The following ENPP1 variants were observed in gnomAD, a reference collection of about 807,000 sequenced individuals.
ENPP1 encodes the protein ectonucleotide pyrophosphatase/phosphodiesterase family member 1.
Under a neutral mutation model 122.8 loss-of-function variants are expected in ENPP1, and 73 were observed. That is an observed-to-expected ratio of 0.59 (90% CI 0.49 to 0.72). The LOEUF is 0.72. Among genes scored for constraint, ENPP1 ranks in the 30% least tolerant of loss-of-function variants. The pLI, the probability that ENPP1 is intolerant of heterozygous loss-of-function variation, is 0.00. For synonymous variants in ENPP1, 367 were observed against 391.6 expected (o/e 0.94, Z 0.74); for missense variants, 978 against 1,128.1 (o/e 0.87, Z 1.91).
At chr6:131,889,624 A>G (rs1782436963) in intron 24 of ENPP1, among the ~76,000 whole-genome samples, 1 of 152,112 alleles carries the variant, frequency 6.6e-6, no homozygotes, top group Non-Finnish European at 1.5e-5. Context: ...TTAGTCTATC[A>G]TTGACCATAT....
rs564915658 is a variant in ENPP1, at chr6:131,869,121, T to C, written c.1274-237T>C. Among the ~76,000 whole-genome samples, 5 of 152,298 alleles carry C rather than the reference T, an allele frequency of 3.3e-5. No individual in the cohort carries two copies. The East Asian group carries it at 9.7e-4, about 29-fold the overall frequency. On this transcript the variant is annotated intron_variant, in intron 12 of 24. Coordinates refer to ENST00000647893, the MANE Select transcript of ENPP1 (RefSeq NM_006208.3). ...ATTCTTCTTTGCTCACATAATGATATTGTAATATATAAATAAGAAGAAACA... is the reference window on the plus strand; with the variant it reads ...ATTCTTCTTTGCTCACATAATGATACTGTAATATATAAATAAGAAGAAACA...
chr6:131,857,739 A>T lies in ENPP1; in HGVS notation c.716-929A>T, dbSNP rs1781967176. On this transcript the variant is annotated intron_variant, in intron 6 of 24. Coordinates refer to ENST00000647893, the MANE Select transcript of ENPP1 (RefSeq NM_006208.3). ...TGGGTGCAGCGCACCAGCATGACACATGTATACATATGTAACTAACCTGCA... is the reference window on the plus strand; with the variant it reads ...TGGGTGCAGCGCACCAGCATGACACTTGTATACATATGTAACTAACCTGCA... Among the ~76,000 whole-genome samples, 4 of 152,316 alleles carry T rather than the reference A, an allele frequency of 2.6e-5. No homozygotes were observed. The South Asian group carries it at 8.3e-4, about 32-fold the overall frequency.
At chr6:131,847,203 A>G (rs930637793) in intron 1 of ENPP1, among the ~76,000 whole-genome samples, 6 of 152,204 alleles carry the variant, frequency 3.9e-5, no homozygotes, top group African/African-American at 1.4e-4. Flanking sequence ...AATATTCCAC[A>G]TATTGCCTTT....
chr6:131,868,866 A>C (rs1296749382), intron 12 of ENPP1, among the ~76,000 whole-genome samples: 3 of 152,232 alleles, frequency 2.0e-5, no homozygotes, highest in Non-Finnish European at 4.4e-5. Context: ...CTATAGGAGC[A>C]GCGTGCCTAT....
Position 131,879,881 on chromosome 6 carries a change from G to C in ENPP1, c.1947G>C (p.Glu649Asp). The C allele has an allele frequency of 6.2e-7, 1 of 1,613,028 alleles. No individual in the cohort carries two copies. Among genetic ancestry groups the C allele is most frequent in the Non-Finnish European group, 8.5e-7 (1 of 1,179,082 alleles). ...QTQFNLTVAE[E>D]KIIKHETLPY... ...TTTATTTTCATCCTGTGACCCAAGA[G>C]AAGATTATTAAGCATGAAACTTTAC... The change falls in exon 20 of 25, where the codon GAG becomes GAC. Residue 649 changes from glutamate to aspartate, a missense_variant and splice_region_variant. Coordinates refer to ENST00000647893, the MANE Select transcript of ENPP1 (RefSeq NM_006208.3).
At chr6:131,889,965 T>A (rs1782444440) in intron 24 of ENPP1, among the ~76,000 whole-genome samples, 1 of 150,104 alleles carries the variant, frequency 6.7e-6, no homozygotes, top group South Asian at 2.1e-4. Flanking sequence ...TGTTGTTTTT[T>A]GACTTTTTAA....
At chr6:131,832,268 G>A (rs1781623960) in intron 1 of ENPP1, among the ~76,000 whole-genome samples, 1 of 152,050 alleles carries the variant, frequency 6.6e-6, no homozygotes, top group South Asian at 2.1e-4. Flanking sequence ...CAAATTAGGA[G>A]TGGACTTACA....
intron 23 of ENPP1, among the ~76,000 whole-genome samples, 195 bp from the exon 24 acceptor site, chr6:131,886,367 G>T (rs1338255030): frequency 6.6e-6 from 1 of 152,170 alleles, no homozygotes; most frequent in Admixed American, 6.5e-5. Flanking sequence ...TTTGGAGTGT[G>T]TTTATCTGCC....
intron 1 of ENPP1, among the ~76,000 whole-genome samples, chr6:131,812,810 AG>A: frequency 6.6e-6 from 1 of 152,284 alleles, no homozygotes; most frequent in East Asian, 1.9e-4. Flanking sequence ...GATATCTTAA[AG>A]CAAGGGCTTA....
chr6:131,809,965 C>CT (rs1229471055), intron 1 of ENPP1, among the ~76,000 whole-genome samples: 7 of 152,106 alleles, frequency 4.6e-5, no homozygotes, highest in Non-Finnish European at 1.0e-4. Context: ...TATTATGGAC[C>CT]TTTTTTATCC....
At position 131,857,724 on chromosome 6, in the gene ENPP1, G is replaced by A. The variant is rs187609875; in HGVS notation, c.716-944G>A. On this transcript the variant is annotated intron_variant, in intron 6 of 24. Transcript: ENST00000647893. The stretch of plus-strand genomic sequence containing the variant: ...TAGATGACGAGTTAGTGGGTGCAGC[G>A]CACCAGCATGACACATGTATACATA... 6.5e-3 allele frequency among the ~76,000 whole-genome samples: 990 copies of A among 152,202 alleles called. 13 individuals are homozygous for A. Among genetic ancestry groups the A allele is most frequent in the African/African-American group, 0.022 (896 of 41,522 alleles).
intron 1 of ENPP1, among the ~76,000 whole-genome samples, chr6:131,811,451 G>T (rs1414714867): frequency 7.8e-6 from 1 of 128,612 alleles, no homozygotes; most frequent in Non-Finnish European, 1.7e-5. Flanking sequence ...TAGAGAGTCC[G>T]TTTGGCTCAA....
At chr6:131,842,133 T>C (rs1781747909) in intron 1 of ENPP1, among the ~76,000 whole-genome samples, 1 of 152,208 alleles carries the variant, frequency 6.6e-6, no homozygotes, top group South Asian at 2.1e-4. Flanking sequence ...TACTAACCTC[T>C]GTAGCTCACC....
Position 131,891,393 on chromosome 6 carries a change from G to C in ENPP1, c.*882G>C, listed in dbSNP as rs1304668251. The stretch of plus-strand genomic sequence containing the variant: ...TTAGAATGTTTCTTTCTGTGCACAA[G>C]ACTTACCCTACCAGCAGCAGAGCCA... On this transcript the variant is annotated 3_prime_UTR_variant, in exon 25 of 25. Transcript: ENST00000647893. The C allele has an allele frequency of 6.6e-6, 1 of 152,056 alleles. No individual in the cohort carries two copies. Among genetic ancestry groups the C allele is most frequent in the Non-Finnish European group, 1.5e-5 (1 of 68,024 alleles). The allele number at this position is 152,056 out of a possible 1,614,324, so 9.4% of individuals were successfully genotyped here. A position where few individuals can be genotyped will look rare whatever the true frequency, so the allele number is the denominator to read the frequency against.
At chr6:131,881,269 TTTGA>T (rs1437251371) in intron 20 of ENPP1, among the ~76,000 whole-genome samples, 1 of 152,148 alleles carries the variant, frequency 6.6e-6, no homozygotes, top group Non-Finnish European at 1.5e-5. Context: ...TTTCTTGAAC[TTTGA>T]TTTTTAAAAT....
intron 1 of ENPP1, among the ~76,000 whole-genome samples, chr6:131,825,068 A>C (rs1420464696): frequency 6.6e-6 from 1 of 152,052 alleles, no homozygotes; most frequent in African/African-American, 2.4e-5. Context: ...TCAAAAAAAA[A>C]ACAAACAAAC....
At chr6:131,868,818 C>T (rs1562180073) in intron 12 of ENPP1, among the ~76,000 whole-genome samples, 3 of 152,218 alleles carry the variant, frequency 2.0e-5, no homozygotes, top group Admixed American at 6.5e-5. Flanking sequence ...CTTTTACTTA[C>T]TGTGATCTTT....
intron 1 of ENPP1, among the ~76,000 whole-genome samples, chr6:131,813,754 G>A (rs1361195320): frequency 3.9e-5 from 6 of 152,156 alleles, no homozygotes; most frequent in South Asian, 2.1e-4. Context: ...AATTAAGTGC[G>A]TTTGACCTCT....
intron 17 of ENPP1, 35 bp from the exon 18 acceptor site, chr6:131,876,957 C>T: frequency 6.2e-7 from 1 of 1,602,236 alleles, no homozygotes; most frequent in Non-Finnish European, 8.6e-7. Context: ...TGATTTGAAA[C>T]ATCTAAGTAA....
Sources: gnomAD v4.1 joint callset for allele counts (sites outside exome capture counted in the v4.1 genomes callset) on GRCh38, gnomAD v4.1.1 for gene constraint, MANE v1.5 for transcripts, NCBI Gene and HGNC (gene_info 2026-07-23, HGNC 2026-07-21) for gene names.